The following KCNH7 variants were observed in gnomAD, a reference collection of about 807,000 sequenced individuals.
KCNH7 encodes the protein voltage-gated inwardly rectifying potassium channel KCNH7.
KCNH7 carries 49 observed loss-of-function variants against 120.8 expected under a neutral mutation model. The ratio of observed to expected loss-of-function variants is 0.41; its 90% CI spans 0.32 to 0.51. The LOEUF is 0.51. Ranked by LOEUF, KCNH7 falls within the 20% of genes least tolerant of loss-of-function variation. The probability of loss-of-function intolerance (pLI) is 0.38; values close to 1 mark genes in which losing one functional copy is unlikely to be tolerated. For synonymous variants in KCNH7, 547 were observed against 516.1 expected (o/e 1.06, Z -0.81); for missense variants, 1,097 against 1,446.6 (o/e 0.76, Z 3.92).
intron 2 of KCNH7, among the ~76,000 whole-genome samples, chr2:162,541,562 CA>C (rs1430634628): frequency 6.6e-6 from 1 of 152,038 alleles, no homozygotes; most frequent in Admixed American, 6.6e-5. Context: ...AGTTGGAAGC[CA>C]TTATCCTCAG....
At chr2:162,785,885 CAATT>C (rs1278892261) in intron 2 of KCNH7, among the ~76,000 whole-genome samples, 1 of 152,094 alleles carries the variant, frequency 6.6e-6, no homozygotes. Context: ...TCTTATTAGA[CAATT>C]AATTTTTCAA....
intron 6 of KCNH7, among the ~76,000 whole-genome samples, chr2:162,475,161 C>T (rs1342632477): frequency 6.6e-6 from 1 of 152,186 alleles, no homozygotes; most frequent in Non-Finnish European, 1.5e-5. Context: ...ATTATATATA[C>T]TACAAGCCCC....
intron 2 of KCNH7, among the ~76,000 whole-genome samples, chr2:162,680,994 C>A (rs1470456426): frequency 2.0e-5 from 3 of 151,572 alleles, no homozygotes; most frequent in Non-Finnish European, 4.4e-5. Context: ...TTTATTTAAT[C>A]ATTAAAAACA....
chr2:162,655,649 T>G (rs1312563049), intron 2 of KCNH7, among the ~76,000 whole-genome samples: 2 of 151,480 alleles, frequency 1.3e-5, no homozygotes, highest in Non-Finnish European at 2.9e-5. Context: ...AAAAATTAGC[T>G]GGGCGTGGTG....
intron 2 of KCNH7, among the ~76,000 whole-genome samples, chr2:162,736,359 A>G (rs1326004396): frequency 6.6e-6 from 1 of 152,236 alleles, no homozygotes; most frequent in Admixed American, 6.5e-5. Flanking sequence ...TTCACTCATT[A>G]CAAAGGAGCT....
chr2:162,457,431 C>G (rs1332518308), intron 6 of KCNH7, among the ~76,000 whole-genome samples: 2 of 152,150 alleles, frequency 1.3e-5, no homozygotes, highest in Non-Finnish European at 2.9e-5. Context: ...CAGTTTAGTA[C>G]AGCCTAAAAT....
At chr2:162,821,037 A>G (rs1320401257) in intron 2 of KCNH7, among the ~76,000 whole-genome samples, 1 of 152,182 alleles carries the variant, frequency 6.6e-6, no homozygotes, top group East Asian at 1.9e-4. Context: ...AAGGTTACAC[A>G]CAATACAAGG....
chr2:162,619,282 G>A (rs568422560), intron 2 of KCNH7, among the ~76,000 whole-genome samples: 2 of 152,022 alleles, frequency 1.3e-5, no homozygotes, highest in Non-Finnish European at 2.9e-5. Flanking sequence ...ACTAAGAGAG[G>A]TGAGTACAAG....
intron 6 of KCNH7, among the ~76,000 whole-genome samples, chr2:162,463,489 C>T (rs1689213150): frequency 6.6e-6 from 1 of 151,818 alleles, no homozygotes. Flanking sequence ...ATTCTAAACT[C>T]CCTGATGGCC....
At chr2:162,715,458 C>G (rs1210911872) in intron 2 of KCNH7, among the ~76,000 whole-genome samples, 1 of 152,124 alleles carries the variant, frequency 6.6e-6, no homozygotes, top group African/African-American at 2.4e-5. Context: ...GACAAATATC[C>G]AAACTATATC....
chr2:162,771,740 C>T (rs1031397872), intron 2 of KCNH7, among the ~76,000 whole-genome samples: 3 of 151,852 alleles, frequency 2.0e-5, no homozygotes, highest in African/African-American at 7.3e-5. Flanking sequence ...TTTTCCTAGC[C>T]TTTTATCTGA....
chr2:162,732,158 T>A (rs564646536), intron 2 of KCNH7, among the ~76,000 whole-genome samples: 1 of 151,976 alleles, frequency 6.6e-6, no homozygotes, highest in Non-Finnish European at 1.5e-5. Context: ...TCTAGGACGA[T>A]TTAGAGGGAC....
At chr2:162,442,322 G>A (rs374434138) in intron 7 of KCNH7, among the ~76,000 whole-genome samples, 2 of 151,642 alleles carry the variant, frequency 1.3e-5, no homozygotes, top group East Asian at 2.0e-4. Flanking sequence ...CACTGCGCCC[G>A]GCCGTGACAT....
intron 2 of KCNH7, among the ~76,000 whole-genome samples, chr2:162,770,871 C>T (rs1016549664): frequency 6.6e-6 from 1 of 152,080 alleles, no homozygotes; most frequent in Non-Finnish European, 1.5e-5. Flanking sequence ...CTGAACAATT[C>T]ATCACATCTT....
At chr2:162,585,127 G>A (rs1693985912) in intron 2 of KCNH7, among the ~76,000 whole-genome samples, 1 of 151,960 alleles carries the variant, frequency 6.6e-6, no homozygotes, top group South Asian at 2.1e-4. Flanking sequence ...TGGAACTGCT[G>A]GGTGTGGGCT....
rs1553497413 is a variant in KCNH7 at position 162,577,291 on chromosome 2, G to GTCTATCTGTCTA, written c.308-40212_308-40211insTAGACAGATAGA. Among the ~76,000 whole-genome samples, 204 of 127,408 alleles carry GTCTATCTGTCTA rather than the reference G, an allele frequency of 1.6e-3. 2 individuals are homozygous for GTCTATCTGTCTA. The highest frequency in any genetic ancestry group is 5.7e-3 in the African/African-American group (196 of 34,328). 83.6% of individuals were successfully genotyped at this position (127,408 alleles called of 152,430 possible). A position where few individuals can be genotyped will look rare whatever the true frequency, so the allele number is the denominator to read the frequency against. ...AAAGCATTAACAGATAGATCTATCT[G>GTCTATCTGTCTA]TCTATCTATCTATCTATCTATCTAT... On this transcript the variant is annotated intron_variant, in intron 2 of 15. Coordinates refer to ENST00000332142, the MANE Select transcript of KCNH7 (RefSeq NM_033272.4).
At chr2:162,391,113 T>C (rs965567086) in intron 12 of KCNH7, among the ~76,000 whole-genome samples, 1 of 151,998 alleles carries the variant, frequency 6.6e-6, no homozygotes, top group African/African-American at 2.4e-5. Flanking sequence ...TGGTTCTTGA[T>C]GCCACTGCTG....
chr2:162,591,356 C>A (rs1017315530), intron 2 of KCNH7, among the ~76,000 whole-genome samples: 1 of 151,928 alleles, frequency 6.6e-6, no homozygotes, highest in Non-Finnish European at 1.5e-5. Context: ...CAGCATATTA[C>A]AAGCATATAA....
intron 2 of KCNH7, among the ~76,000 whole-genome samples, chr2:162,812,426 G>C (rs556221678): frequency 2.8e-4 from 43 of 152,072 alleles, no homozygotes; most frequent in Non-Finnish European, 5.3e-4. Context: ...TGGACAGAAA[G>C]AAAGCAAAAG....
Sources: gnomAD v4.1 joint callset for allele counts (sites outside exome capture counted in the v4.1 genomes callset) on GRCh38, gnomAD v4.1.1 for gene constraint, MANE v1.5 for transcripts, NCBI Gene and HGNC (gene_info 2026-07-23, HGNC 2026-07-21) for gene names.